Variants in SPAG16 observed in about 807,000 individuals in gnomAD.
SPAG16 encodes the protein sperm associated antigen 16, also known as sperm-associated antigen 16 protein.
Under a neutral mutation model 80.4 loss-of-function variants are expected in SPAG16, and 86 were observed. That is an observed-to-expected ratio of 1.07 (90% confidence interval 0.90 to 1.28). The LOEUF (loss-of-function observed/expected upper bound fraction) is 1.28, where lower values mean the gene tolerates loss of function less well. SPAG16 is among the 50% of genes most tolerant of loss of function. The pLI is 0.00. For missense variants in SPAG16, 870 were observed against 765.3 expected (o/e 1.14, Z -1.61); for synonymous variants, 294 against 265.9 (o/e 1.11, Z -1.03).
chr2:214,196,215 T>C (rs1297042492), intron 15 of SPAG16, among the ~76,000 whole-genome samples: 1 of 151,940 alleles, frequency 6.6e-6, no homozygotes, highest in Admixed American at 6.6e-5. Context: ...GAAATCAACA[T>C]GCCATTTCAA....
chr2:214,093,338 A>C (rs1033079813), intron 13 of SPAG16, among the ~76,000 whole-genome samples: 1 of 152,012 alleles, frequency 6.6e-6, no homozygotes, highest in African/African-American at 2.4e-5. Context: ...CTGGATTTTC[A>C]ACTTTATTGC....
chr2:213,677,071 G>T (rs547408948), intron 10 of SPAG16, among the ~76,000 whole-genome samples: 1 of 152,120 alleles, frequency 6.6e-6, no homozygotes, highest in South Asian at 2.1e-4. Flanking sequence ...CCTGTTATTG[G>T]TCTATTCAGA....
At position 214,266,264 on chromosome 2, in the gene SPAG16, G is replaced by A. The variant is rs756798171; in HGVS notation, c.1720+116998G>A. ...ATTTTGTTTGTTTTGCCTGTAGCAT[G>A]TATTAAGTCCAACTGAATCTAGAAT... On this transcript the variant is annotated intron_variant, in intron 15 of 15. Coordinates refer to ENST00000331683, the MANE Select transcript of SPAG16 (RefSeq NM_024532.5). Among the ~76,000 whole-genome samples, 6 of 152,004 alleles carry A rather than the reference G, an allele frequency of 3.9e-5. No homozygotes were observed. The South Asian group carries it at 1.0e-3, about 26-fold the overall frequency.
At chr2:214,040,973 G>A (rs2048972669) in intron 13 of SPAG16, among the ~76,000 whole-genome samples, 1 of 151,970 alleles carries the variant, frequency 6.6e-6, no homozygotes, top group Admixed American at 6.6e-5. Flanking sequence ...TCCAGTTATA[G>A]TAAATTGGAT....
intron 15 of SPAG16, among the ~76,000 whole-genome samples, chr2:214,253,755 T>C (rs1690475148): frequency 6.6e-6 from 1 of 152,184 alleles, no homozygotes; most frequent in South Asian, 2.1e-4. Context: ...CCAGCTTTGT[T>C]CTTTTTGCTT....
chr2:213,862,220 C>T (rs1190836136), intron 10 of SPAG16, among the ~76,000 whole-genome samples: 1 of 152,140 alleles, frequency 6.6e-6, no homozygotes, highest in African/African-American at 2.4e-5. Flanking sequence ...ATTAGATATG[C>T]ACAATCACCT....
At chr2:214,090,232 A>T (rs1423618206) in intron 13 of SPAG16, among the ~76,000 whole-genome samples, 7 of 151,974 alleles carry the variant, frequency 4.6e-5, no homozygotes, top group African/African-American at 1.7e-4. Flanking sequence ...AAGACGAAGA[A>T]AAAAAGAAGA....
At chr2:213,606,614 C>T (rs903840185) in intron 10 of SPAG16, among the ~76,000 whole-genome samples, 17 of 152,154 alleles carry the variant, frequency 1.1e-4, no homozygotes, top group Middle Eastern at 3.2e-3. Flanking sequence ...ACCAAATATC[C>T]ACCTGATCCT....
intron 9 of SPAG16, among the ~76,000 whole-genome samples, chr2:213,476,368 C>T (rs2073387818): frequency 6.6e-6 from 1 of 152,146 alleles, no homozygotes; most frequent in South Asian, 2.1e-4. Flanking sequence ...TCCCACATGA[C>T]AGCTAGAATT....
At chr2:213,456,901 T>C (rs1257375267) in intron 9 of SPAG16, among the ~76,000 whole-genome samples, 1 of 152,208 alleles carries the variant, frequency 6.6e-6, no homozygotes, top group African/African-American at 2.4e-5. Flanking sequence ...GTATTGTTTC[T>C]AACATTCCTA....
chr2:213,351,069 G>T (rs935042739), intron 7 of SPAG16, among the ~76,000 whole-genome samples: 4 of 152,166 alleles, frequency 2.6e-5, no homozygotes, highest in African/African-American at 9.7e-5. Context: ...TTGAACCCGG[G>T]AGTGGAGGTT....
intron 9 of SPAG16, among the ~76,000 whole-genome samples, chr2:213,423,289 A>G (rs1176484954): frequency 6.6e-6 from 1 of 152,260 alleles, no homozygotes; most frequent in African/African-American, 2.4e-5. Context: ...TCCTATTCCT[A>G]GACTGAAACT....
At chr2:214,198,403 C>T (rs1210042262) in intron 15 of SPAG16, among the ~76,000 whole-genome samples, 1 of 152,064 alleles carries the variant, frequency 6.6e-6, no homozygotes, top group Admixed American at 6.6e-5. Context: ...TGGCCTCCAG[C>T]TCCATCCAAG....
chr2:213,706,700 T>G (rs1386034557), intron 10 of SPAG16, among the ~76,000 whole-genome samples: 1 of 152,170 alleles, frequency 6.6e-6, no homozygotes, highest in Non-Finnish European at 1.5e-5. Context: ...CATAACTCAC[T>G]AAAACTTAGT....
intron 12 of SPAG16, among the ~76,000 whole-genome samples, chr2:213,963,768 G>A (rs1250591883): frequency 6.6e-6 from 1 of 151,906 alleles, no homozygotes; most frequent in African/African-American, 2.4e-5. Flanking sequence ...TACCATTTTA[G>A]GACATCCCTG....
intron 14 of SPAG16, among the ~76,000 whole-genome samples, chr2:214,133,419 G>A (rs897628054): frequency 1.2e-4 from 18 of 152,150 alleles, no homozygotes; most frequent in African/African-American, 3.6e-4. Context: ...TGCACTTTGG[G>A]AGGTCGAGGA....
chr2:214,157,701 G>A (rs989664704), intron 15 of SPAG16, among the ~76,000 whole-genome samples: 2 of 151,948 alleles, frequency 1.3e-5, no homozygotes, highest in Admixed American at 6.6e-5. Flanking sequence ...CATAAATTAT[G>A]ATAACTAAAA....
intron 15 of SPAG16, among the ~76,000 whole-genome samples, chr2:214,367,732 C>A (rs780075822): frequency 6.6e-5 from 10 of 152,128 alleles, no homozygotes; most frequent in Non-Finnish European, 1.2e-4. Context: ...CTCTCTCATG[C>A]CCTTTTTCCC....
At chr2:214,395,675 C>T (rs1185921914) in intron 15 of SPAG16, among the ~76,000 whole-genome samples, 1 of 152,020 alleles carries the variant, frequency 6.6e-6, no homozygotes, top group Non-Finnish European at 1.5e-5. Context: ...TCCTCTTCCT[C>T]CTCCCACCCT....
Sources: allele counts gnomAD v4.1 joint callset (sites outside exome capture counted in the v4.1 genomes callset), GRCh38; gene constraint gnomAD v4.1.1; transcripts MANE v1.5; gene names NCBI Gene and HGNC (gene_info 2026-07-23, HGNC 2026-07-21).